Variants in COL4A4 observed in about 807,000 individuals in gnomAD.
COL4A4 encodes collagen type IV alpha 4 chain.
Under a neutral mutation model 192.9 loss-of-function variants are expected in COL4A4, and 105 were observed. The ratio of observed to expected loss-of-function variants is 0.54; its 90% CI spans 0.46 to 0.64. The LOEUF is 0.64. COL4A4 is among the 30% of genes least tolerant of loss of function. COL4A4 has a pLI of 0.00. For missense variants in COL4A4, 1,967 were observed against 2,169.3 expected, an observed-to-expected ratio of 0.91 and a Z score of 1.85; for synonymous variants, 762 against 769.9, an observed-to-expected ratio of 0.99 and a Z score of 0.17.
chr2:227,014,299 G>A (rs1964424180), intron 44 of COL4A4, among the ~76,000 whole-genome samples: 1 of 152,176 alleles, frequency 6.6e-6, no homozygotes, highest in African/African-American at 2.4e-5. Flanking sequence ...CCTTGGTAGG[G>A]CGGGGTGGGG....
At chr2:227,020,782 C>A (rs1426876028) in intron 44 of COL4A4, among the ~76,000 whole-genome samples, 3 of 152,042 alleles carry the variant, frequency 2.0e-5, no homozygotes, top group Non-Finnish European at 4.4e-5. Context: ...ACAGTGACTT[C>A]TAGATGCCCA....
At chr2:227,061,233 C>T (rs1976952041) in intron 26 of COL4A4, among the ~76,000 whole-genome samples, 1 of 152,214 alleles carries the variant, frequency 6.6e-6, no homozygotes, top group Non-Finnish European at 1.5e-5. Context: ...TTCAATCCGT[C>T]AACCTGCAAT....
intron 35 of COL4A4, among the ~76,000 whole-genome samples, chr2:227,046,225 A>AT (rs1972837308): frequency 6.6e-6 from 1 of 151,552 alleles, no homozygotes; most frequent in South Asian, 2.1e-4. Flanking sequence ...ATCTTACAGT[A>AT]TAAAAACAAA....
the COL4A4 span, among the ~76,000 whole-genome samples, chr2:226,993,716 TC>T: frequency 1.2e-4 from 18 of 152,202 alleles, no homozygotes; most frequent in Non-Finnish European, 1.8e-4. Flanking sequence ...ACTGGGATCT[TC>T]ATCAGTAGAG....
At chr2:227,122,246 CCTGTAATCCCAGCACT>C (rs2061840082) in intron 4 of COL4A4, among the ~76,000 whole-genome samples, 1 of 152,220 alleles carries the variant, frequency 6.6e-6, no homozygotes, top group African/African-American at 2.4e-5. Context: ...GTGGCTCACA[CCTGTAATCCCAGCACT>C]CTGGGAGGCC....
chr2:227,129,739 T>C (rs1019892610), intron 4 of COL4A4, among the ~76,000 whole-genome samples: 3 of 152,204 alleles, frequency 2.0e-5, no homozygotes, highest in Non-Finnish European at 4.4e-5. Flanking sequence ...CAGGGATTCA[T>C]GAACGTTTTT....
rs748339903 is a variant in COL4A4, at chr2:227,059,481, G to T, written c.2307C>A (p.Pro769=). 3.1e-6 allele frequency: 5 copies of T among 1,614,074 alleles called. No homozygotes were observed. In the East Asian group the frequency reaches 1.1e-4, roughly 36 times the overall value. ...CTCCTGAAAGACCCCTCTTTCCCGG[G>T]GGTCCCAGGTGACCAAATGCAGGGT... ...PGDPAFGHLG[P]PGKRGLSGVP... is the part of the protein sequence containing the mutation. Residue 769 remains proline, a synonymous_variant, in exon 28 of 48, where the codon CCC becomes CCA. Transcript: ENST00000396625.
chr2:227,008,166 A>G lies in COL4A4; in HGVS notation c.4661T>C (p.Leu1554Pro). ...ASAAPLPMMPLSEEAIRPYVS... is the reference protein window; with the variant it reads ...ASAAPLPMMPPSEEAIRPYVS... ...ATAGGGGCGGATCGCCTCTTCAGAG[A>G]GTGGCATCATGGGGAGGGGCGCAGC... The change falls in exon 47 of 48, where the codon CTC becomes CCC. Residue 1554 changes from leucine (L) to proline (P), a missense_variant. Physicochemically the swap from Leu to Pro is moderately conservative, Grantham distance 98 (BLOSUM62 -3). Coordinates refer to ENST00000396625, the MANE Select transcript of COL4A4 (RefSeq NM_000092.5). The G allele has an allele frequency of 6.2e-7, 1 of 1,614,072 alleles. No homozygotes were observed. Among genetic ancestry groups the G allele is most frequent in the Non-Finnish European group, 8.5e-7 (1 of 1,179,926 alleles).
At chr2:227,114,548 A>T (rs771741271) in intron 8 of COL4A4, 80 bp downstream of exon 8, 17 of 1,123,826 alleles carry the variant, frequency 1.5e-5, no homozygotes, top group Non-Finnish European at 2.3e-5. Context: ...TTGAAGAAAA[A>T]TCCTGTCTGA....
At chr2:227,040,451 C>A (rs1235960973) in intron 37 of COL4A4, among the ~76,000 whole-genome samples, 1 of 152,114 alleles carries the variant, frequency 6.6e-6, no homozygotes, top group Non-Finnish European at 1.5e-5. Context: ...ATGAAATGTC[C>A]TTGCTTTTTA....
At position 227,088,748 on chromosome 2, in the gene COL4A4, T is replaced by C; in HGVS notation, c.1528A>G (p.Arg510Gly). Reference protein sequence around the residue: ...GPPGPPGLPGRQGSKGDLGLP... With the variant: ...GPPGPPGLPGGQGSKGDLGLP... ...CCCAAGTCTCCCTTACTCCCCTGCC[T>C]CCCAGGAAGTCCTGGAGGGCCAGGG... Residue 510 changes from arginine to glycine, a missense_variant, in exon 22 of 48, where the codon AGG becomes GGG. Coordinates refer to ENST00000396625, the MANE Select transcript of COL4A4 (RefSeq NM_000092.5). 6.2e-7 allele frequency: 1 copy of C among 1,614,002 alleles called. No individual in the cohort carries two copies. The highest frequency in any genetic ancestry group is 8.5e-7 in the Non-Finnish European group (1 of 1,179,936).
chr2:227,106,755 G>A (rs771697615), intron 12 of COL4A4, among the ~76,000 whole-genome samples: 1 of 152,188 alleles, frequency 6.6e-6, no homozygotes, highest in Middle Eastern at 3.4e-3. Flanking sequence ...TAGCAGAGAC[G>A]GGGTTTCGCC....
At chr2:227,009,748 G>GAAA (rs1963192772) in intron 46 of COL4A4, among the ~76,000 whole-genome samples, 9 of 143,978 alleles carry the variant, frequency 6.3e-5, no homozygotes, top group African/African-American at 2.3e-4. Context: ...GAAGAGAAGA[G>GAAA]AGAAGAGAAG....
intron 2 of COL4A4, 74 bp downstream of exon 2, chr2:227,147,339 G>C (rs773289983): frequency 7.2e-7 from 1 of 1,398,172 alleles, no homozygotes; most frequent in East Asian, 2.3e-5. Context: ...GCATTCAGAC[G>C]GTTTACATCC....
intron 4 of COL4A4, among the ~76,000 whole-genome samples, chr2:227,125,188 C>T (rs2062013071): frequency 6.6e-6 from 1 of 151,950 alleles, no homozygotes; most frequent in Non-Finnish European, 1.5e-5. Flanking sequence ...GAGAAAATGC[C>T]ATATAAAATA....
chr2:227,088,610 A>G (rs2150593559), intron 22 of COL4A4, 43 bp downstream of exon 22: 6 of 1,605,150 alleles, frequency 3.7e-6, no homozygotes, highest in East Asian at 2.2e-5. Context: ...GACTAATACC[A>G]TGTCTCTTTT....
intron 7 of COL4A4, among the ~76,000 whole-genome samples, chr2:227,116,434 C>G (rs761713756): frequency 6.6e-6 from 1 of 152,204 alleles, no homozygotes; most frequent in Non-Finnish European, 1.5e-5. Flanking sequence ...CCCCTGCACA[C>G]GTATTATTCA....
intron 45 of COL4A4, among the ~76,000 whole-genome samples, chr2:227,011,611 G>A (rs186970169): frequency 1.6e-4 from 25 of 152,234 alleles, no homozygotes; most frequent in African/African-American, 6.0e-4. Flanking sequence ...TGCGCCTAAC[G>A]AGCTACATGG....
chr2:227,109,090 G>A (rs1393798288), intron 10 of COL4A4, 134 bp downstream of exon 10: 1 of 947,436 alleles, frequency 1.1e-6, no homozygotes. Context: ...TGATAATGGT[G>A]GGTTTTCACT....
Sources: allele counts gnomAD v4.1 joint callset (sites outside exome capture counted in the v4.1 genomes callset), GRCh38; gene constraint gnomAD v4.1.1; transcripts MANE v1.5; gene names NCBI Gene and HGNC (gene_info 2026-07-23, HGNC 2026-07-21).